The following GRIN2B variants were observed in gnomAD, a reference collection of about 807,000 sequenced individuals.
GRIN2B encodes glutamate receptor ionotropic, NMDA 2B.
In GRIN2B, 5 loss-of-function variants were observed where a neutral mutation model predicts 114.5. The ratio of observed to expected loss-of-function variants is 0.04; its 90% CI spans 0.02 to 0.09. The LOEUF (loss-of-function observed/expected upper bound fraction) is 0.09, where lower values mean the gene tolerates loss of function less well. Ranked by LOEUF, GRIN2B falls within the 10% of genes least tolerant of loss-of-function variation. The pLI is 1.00. For missense variants in GRIN2B, 1,108 were observed against 1,943.5 expected (o/e 0.57, Z 8.08); for synonymous variants, 787 against 745.1 (o/e 1.06, Z -0.92).
chr12:13,950,311 C>A (rs1867458177), intron 2 of GRIN2B, among the ~76,000 whole-genome samples: 1 of 152,100 alleles, frequency 6.6e-6, no homozygotes, highest in South Asian at 2.1e-4. Flanking sequence ...AGGCTCAGCC[C>A]CAAAGGACTG....
intron 2 of GRIN2B, among the ~76,000 whole-genome samples, chr12:13,886,467 G>A (rs780072629): frequency 7.2e-5 from 11 of 152,160 alleles, no homozygotes; most frequent in Non-Finnish European, 1.0e-4. Flanking sequence ...ATGGACTTTT[G>A]AGGCCGACTA....
At chr12:13,574,970 T>C (rs981021998) in intron 10 of GRIN2B, among the ~76,000 whole-genome samples, 14 of 152,196 alleles carry the variant, frequency 9.2e-5, no homozygotes, top group African/African-American at 3.1e-4. Context: ...AGGATGGCCT[T>C]TAACAAATGG....
chr12:13,828,516 A>G (rs1591755082), intron 3 of GRIN2B, among the ~76,000 whole-genome samples: 1 of 152,306 alleles, frequency 6.6e-6, no homozygotes, highest in East Asian at 1.9e-4. Flanking sequence ...TCCATCCCAC[A>G]AAACTCTCAT....
chr12:13,732,741 T>C (rs1050072541), intron 4 of GRIN2B, among the ~76,000 whole-genome samples: 2 of 152,232 alleles, frequency 1.3e-5, no homozygotes, highest in African/African-American at 4.8e-5. Context: ...GTAGGTACTT[T>C]ACCGTTTGTT....
In GRIN2B at chr12:13,819,003, T is replaced by G. The variant is rs559379870; in HGVS notation, c.411+46795A>C. 2.9e-3 allele frequency among the ~76,000 whole-genome samples: 439 copies of G among 152,290 alleles called. 4 individuals are homozygous for G. Among genetic ancestry groups the G allele is most frequent in the African/African-American group, 0.01 (420 of 41,550 alleles). ...AGCTCAACTGTGTCCCTCCAATGTC[T>G]ATATGTTGAAGGCCTAACCACTAGG... On this transcript the variant is annotated intron_variant, in intron 3 of 13. Coordinates refer to ENST00000609686, the MANE Select transcript of GRIN2B (RefSeq NM_000834.5).
intron 2 of GRIN2B, among the ~76,000 whole-genome samples, chr12:13,905,966 C>A (rs1434874469): frequency 6.6e-6 from 1 of 152,132 alleles, no homozygotes; most frequent in Non-Finnish European, 1.5e-5. Flanking sequence ...TCCCTAGGCT[C>A]CCCGCTTGGG....
At chr12:13,892,328 C>T (rs905814350) in intron 2 of GRIN2B, among the ~76,000 whole-genome samples, 1 of 152,160 alleles carries the variant, frequency 6.6e-6, no homozygotes, top group African/African-American at 2.4e-5. Context: ...GTATTTTATG[C>T]TTATATGTCA....
intron 2 of GRIN2B, among the ~76,000 whole-genome samples, chr12:13,959,347 G>A (rs550305552): frequency 4.6e-5 from 7 of 152,202 alleles, no homozygotes; most frequent in African/African-American, 1.4e-4. Flanking sequence ...GGTGGGGCCC[G>A]CAGGGAGAGG....
At chr12:13,692,930 G>A (rs1350732820) in intron 4 of GRIN2B, among the ~76,000 whole-genome samples, 10 of 151,058 alleles carry the variant, frequency 6.6e-5, no homozygotes, top group African/African-American at 9.8e-5. Flanking sequence ...CACCACACCC[G>A]GCTAATTTTG....
chr12:13,611,671 T>A, intron 9 of GRIN2B, 54 bp downstream of exon 9: 1 of 1,578,774 alleles, frequency 6.3e-7, no homozygotes, highest in Non-Finnish European at 8.7e-7. Context: ...GTCCAGAGAT[T>A]TGAAAATAAG....
chr12:13,781,101 C>CT (rs1316936667), intron 3 of GRIN2B, among the ~76,000 whole-genome samples: 1 of 152,092 alleles, frequency 6.6e-6, no homozygotes, highest in African/African-American at 2.4e-5. Flanking sequence ...CCAAAGGAAA[C>CT]TTACTGAGTC....
intron 3 of GRIN2B, among the ~76,000 whole-genome samples, chr12:13,760,065 C>T (rs898173147): frequency 3.9e-5 from 6 of 152,216 alleles, no homozygotes; most frequent in African/African-American, 1.2e-4. Context: ...GACCACAACA[C>T]GGAATGCTGA....
chr12:13,835,805 CAGGAAT>C (rs916179071), intron 3 of GRIN2B, among the ~76,000 whole-genome samples: 1 of 145,086 alleles, frequency 6.9e-6, no homozygotes, highest in African/African-American at 2.5e-5. Context: ...AGAAAGCCAG[CAGGAAT>C]ATGTCCTAAT....
At chr12:13,973,021 C>T (rs1323092318) in intron 2 of GRIN2B, among the ~76,000 whole-genome samples, 1 of 152,142 alleles carries the variant, frequency 6.6e-6, no homozygotes, top group Non-Finnish European at 1.5e-5. Flanking sequence ...GACCAGACTA[C>T]GGCCCCTAGA....
At chr12:13,896,258 G>C (rs1185055538) in intron 2 of GRIN2B, among the ~76,000 whole-genome samples, 1 of 152,130 alleles carries the variant, frequency 6.6e-6, no homozygotes, top group Non-Finnish European at 1.5e-5. Flanking sequence ...GGAAGATGGG[G>C]ACAGGAGTGC....
intron 2 of GRIN2B, 28 bp downstream of exon 2, chr12:13,979,900 G>C (rs200778151): frequency 6.6e-6 from 1 of 152,122 alleles, no homozygotes; most frequent in Non-Finnish European, 1.5e-5. Flanking sequence ...CCCCAGGTGA[G>C]GAAAAAATAA....
chr12:13,543,738 CT>C lies in GRIN2B; in HGVS notation c.*19044del, dbSNP rs1948311864. 6.6e-6 allele frequency: 1 copy of C among 152,150 alleles called. No individual in the cohort carries two copies. Among genetic ancestry groups the C allele is most frequent in the Non-Finnish European group, 1.5e-5 (1 of 68,046 alleles). 9.4% of individuals were successfully genotyped at this position (152,150 alleles called of 1,614,324 possible). A position where few individuals can be genotyped will look rare whatever the true frequency, so the allele number is the denominator to read the frequency against. On this transcript the variant is annotated 3_prime_UTR_variant, in exon 14 of 14. Coordinates refer to ENST00000609686, the MANE Select transcript of GRIN2B (RefSeq NM_000834.5). Reference sequence around the variant, plus strand: ...TTTCTTCCTTCCAAAACCTCCAATACTCTTCCCCTATACTCACTCTTAACTG... The same window carrying C: ...TTTCTTCCTTCCAAAACCTCCAATACCTTCCCCTATACTCACTCTTAACTG...
chr12:13,680,136 G>T (rs1412674302), intron 4 of GRIN2B, among the ~76,000 whole-genome samples: 3 of 151,954 alleles, frequency 2.0e-5, no homozygotes, highest in African/African-American at 7.3e-5. Flanking sequence ...TACATATGGA[G>T]GCTAAACTAG....
intron 5 of GRIN2B, among the ~76,000 whole-genome samples, chr12:13,658,586 A>C (rs77347025): frequency 0.077 from 11,704 of 152,232 alleles, 647 homozygotes; most frequent in South Asian, 0.14. Context: ...GAGAATAAAA[A>C]CATAGATTTT....
Sources: gnomAD v4.1 joint callset for allele counts (sites outside exome capture counted in the v4.1 genomes callset) on GRCh38, gnomAD v4.1.1 for gene constraint, MANE v1.5 for transcripts, NCBI Gene and HGNC (gene_info 2026-07-23, HGNC 2026-07-21) for gene names.